The following NKAIN3 variants were observed in gnomAD, a reference collection of about 807,000 sequenced individuals.
NKAIN3 encodes sodium/potassium-transporting ATPase subunit beta-1-interacting protein 3.
In NKAIN3, 25 loss-of-function variants were observed where a neutral mutation model predicts 30.2. The ratio of observed to expected loss-of-function variants is 0.83; its 90% CI spans 0.60 to 1.16. The LOEUF (loss-of-function observed/expected upper bound fraction) is 1.16, where lower values mean the gene tolerates loss of function less well. Ranked by LOEUF, NKAIN3 falls within the 50% of genes most tolerant of loss-of-function variation. The probability of loss-of-function intolerance (pLI) is 0.00; values close to 1 mark genes in which losing one functional copy is unlikely to be tolerated. For synonymous variants in NKAIN3, 91 were observed against 89.6 expected, an observed-to-expected ratio of 1.02 and a Z score of -0.09; for missense variants, 225 against 254.1, an observed-to-expected ratio of 0.89 and a Z score of 0.78.
At chr8:62,856,246 G>C (rs1347421631) in intron 4 of NKAIN3, 1 of 880,738 alleles carries the variant, frequency 1.1e-6, no homozygotes, top group African/African-American at 1.6e-5. Context: ...TTTCCCAATA[G>C]AGCTTTATTG....
At chr8:62,527,608 C>G (rs989268227) in intron 1 of NKAIN3, among the ~76,000 whole-genome samples, 1 of 152,090 alleles carries the variant, frequency 6.6e-6, no homozygotes, top group Admixed American at 6.6e-5. Flanking sequence ...GTTTACGTTC[C>G]TATATTTGAA....
chr8:62,987,000 C>T (rs376960551), downstream of NKAIN3, among the ~76,000 whole-genome samples: 49 of 152,276 alleles, frequency 3.2e-4, no homozygotes, highest in African/African-American at 1.0e-3. Context: ...GGGAGCTCTT[C>T]ATGTATAATG....
intron 4 of NKAIN3, among the ~76,000 whole-genome samples, chr8:62,878,847 T>C (rs1279623547): frequency 1.3e-5 from 2 of 152,134 alleles, no homozygotes; most frequent in East Asian, 3.9e-4. Context: ...GAACTCATCA[T>C]TTTTTATGGC....
At chr8:62,883,456 G>GTTTTTTTTTTTTTTT (rs1563611107) in intron 4 of NKAIN3, among the ~76,000 whole-genome samples, 1 of 17,228 alleles carries the variant, frequency 5.8e-5, no homozygotes, top group African/African-American at 6.8e-4. Flanking sequence ...GAGTTTTATG[G>GTTTTTTTTTTTTTTT]GTTTTTTTTT....
At chr8:62,839,213 G>A (rs532499636) in intron 4 of NKAIN3, among the ~76,000 whole-genome samples, 61 of 122,686 alleles carry the variant, frequency 5.0e-4, no homozygotes, top group African/African-American at 1.6e-3. Flanking sequence ...CTTTATTTAC[G>A]CACGCTTAAT....
chr8:62,799,963 TATC>T (rs973810482), intron 4 of NKAIN3, among the ~76,000 whole-genome samples: 4 of 152,080 alleles, frequency 2.6e-5, no homozygotes, highest in Admixed American at 1.3e-4. Context: ...GAAAACCAAA[TATC>T]ATATGTTCTC....
chr8:62,590,605 T>C (rs1270864977), intron 3 of NKAIN3, among the ~76,000 whole-genome samples: 1 of 151,936 alleles, frequency 6.6e-6, no homozygotes, highest in Non-Finnish European at 1.5e-5. Flanking sequence ...TTATACTAAC[T>C]TATTCTACTG....
intron 6 of NKAIN3, 44 bp from the exon 7 acceptor site, chr8:62,965,310 T>C: frequency 2.0e-6 from 2 of 985,830 alleles, no homozygotes; most frequent in East Asian, 1.1e-4. Flanking sequence ...TATTTAGCTG[T>C]CAGCTTTGAA....
intron 4 of NKAIN3, among the ~76,000 whole-genome samples, chr8:62,844,482 T>C (rs1819616815): frequency 6.6e-6 from 1 of 152,162 alleles, no homozygotes; most frequent in South Asian, 2.1e-4. Flanking sequence ...CTGTAGGTTA[T>C]CACTTACAAC....
At chr8:62,696,658 T>A (rs1475185849) in intron 3 of NKAIN3, among the ~76,000 whole-genome samples, 1 of 139,030 alleles carries the variant, frequency 7.2e-6, no homozygotes, top group Non-Finnish European at 1.5e-5. Context: ...TTGCTTTAAG[T>A]TCCCAATTAA....
At chr8:62,554,857 T>C (rs1809334494) in intron 1 of NKAIN3, among the ~76,000 whole-genome samples, 1 of 152,158 alleles carries the variant, frequency 6.6e-6, no homozygotes, top group Non-Finnish European at 1.5e-5. Context: ...CCACCCCTGA[T>C]AACCATCACT....
At chr8:62,439,543 T>TAA (rs368438808) in intron 1 of NKAIN3, among the ~76,000 whole-genome samples, 2 of 152,166 alleles carry the variant, frequency 1.3e-5, no homozygotes, top group African/African-American at 4.8e-5. Flanking sequence ...TCATCCTGAG[T>TAA]AAAAAAATGT....
chr8:62,865,520 T>C (rs1161717489), intron 4 of NKAIN3, among the ~76,000 whole-genome samples: 3 of 152,254 alleles, frequency 2.0e-5, no homozygotes, highest in Non-Finnish European at 4.4e-5. Context: ...AGTGGTTTAC[T>C]GACCGTTTTC....
rs534132942 is a variant in NKAIN3, at chr8:62,394,205, G to A, written c.54+145078G>A. 2.0e-5 allele frequency among the ~76,000 whole-genome samples: 3 copies of A among 151,996 alleles called. No homozygotes were observed. In the South Asian group the frequency reaches 6.2e-4, roughly 32 times the overall value. On this transcript the variant is annotated intron_variant, in intron 1 of 6. Coordinates refer to ENST00000623646, the MANE Select transcript of NKAIN3 (RefSeq NM_001304533.3). ...TTAGTTTTACATTTTTCATAGATAC[G>A]CTTTATCAGGTTAAAGACGTTTTCC...
In NKAIN3 at chr8:62,542,356, G is replaced by C. The variant is rs530503835; in HGVS notation, c.55-37183G>C. ...CATTCTGCTGCATGGAGTGAAAAGGGGTTTCTCAGGTCTAACTGTTCTTTG... is the reference window on the plus strand; with the variant it reads ...CATTCTGCTGCATGGAGTGAAAAGGCGTTTCTCAGGTCTAACTGTTCTTTG... On this transcript the variant is annotated intron_variant, in intron 1 of 6. Transcript: ENST00000623646. 6.6e-5 allele frequency among the ~76,000 whole-genome samples: 10 copies of C among 152,168 alleles called. No homozygotes were observed. The South Asian group carries it at 1.9e-3, about 28-fold the overall frequency.
intron 1 of NKAIN3, among the ~76,000 whole-genome samples, chr8:62,319,197 T>C (rs938601716): frequency 6.6e-6 from 1 of 152,216 alleles, no homozygotes; most frequent in African/African-American, 2.4e-5. Context: ...TATCATTTTT[T>C]ATTGCGTCTA....
chr8:62,722,458 T>C (rs1815122241), intron 3 of NKAIN3, among the ~76,000 whole-genome samples: 1 of 152,192 alleles, frequency 6.6e-6, no homozygotes, highest in African/African-American at 2.4e-5. Flanking sequence ...ATAGGAATAC[T>C]ACAAAATGAT....
chr8:62,583,036 T>C (rs192181878), intron 2 of NKAIN3, among the ~76,000 whole-genome samples: 1 of 152,326 alleles, frequency 6.6e-6, no homozygotes, highest in African/African-American at 2.4e-5. Context: ...TCCATACACG[T>C]TAATGGTGAA....
chr8:62,909,997 A>G (rs752987827), intron 4 of NKAIN3, among the ~76,000 whole-genome samples: 25 of 152,102 alleles, frequency 1.6e-4, no homozygotes, highest in Non-Finnish European at 3.2e-4. Flanking sequence ...TTCTTGCTAT[A>G]CATTGTTCTG....
Sources: allele counts gnomAD v4.1 joint callset (sites outside exome capture counted in the v4.1 genomes callset), GRCh38; gene constraint gnomAD v4.1.1; transcripts MANE v1.5; gene names NCBI Gene and HGNC (gene_info 2026-07-23, HGNC 2026-07-21).